Variants in DPYS observed in about 807,000 individuals in gnomAD.
The protein encoded by DPYS is dihydropyrimidine amidohydrolase.
A neutral mutation model predicts 50.3 loss-of-function variants in DPYS; 39 were observed. That is an observed-to-expected ratio of 0.78 (90% CI 0.60 to 1.01). The LOEUF (loss-of-function observed/expected upper bound fraction) is 1.01. Ranked by LOEUF, DPYS falls within the 50% of genes least tolerant of loss-of-function variation. The pLI is 0.00. For synonymous variants in DPYS, 245 were observed against 250.7 expected, an observed-to-expected ratio of 0.98 and a Z score of 0.22; for missense variants, 659 against 680.9, an observed-to-expected ratio of 0.97 and a Z score of 0.36.
chr8:104,412,618 G>A (rs2140577415), intron 7 of DPYS, among the ~76,000 whole-genome samples: 1 of 152,238 alleles, frequency 6.6e-6, no homozygotes, highest in South Asian at 2.1e-4. Flanking sequence ...CCAGCTCCAG[G>A]CCCACCCCTG....
At chr8:104,417,855 C>A (rs1244165518) in intron 7 of DPYS, among the ~76,000 whole-genome samples, 2 of 152,192 alleles carry the variant, frequency 1.3e-5, no homozygotes, top group Non-Finnish European at 2.9e-5. Flanking sequence ...CGCCCACTCC[C>A]AATTCTCTCT....
chr8:104,426,611 T>C (rs551540146), intron 6 of DPYS, among the ~76,000 whole-genome samples: 89 of 152,222 alleles, frequency 5.8e-4, no homozygotes, highest in African/African-American at 2.1e-3. Context: ...GATTCTGAAG[T>C]GTGAGATATA....
chr8:104,429,638 T>C lies in DPYS; in HGVS notation c.857A>G (p.Asn286Ser), dbSNP rs1588437757. 6.2e-7 allele frequency: 1 copy of C among 1,614,186 alleles called. No homozygotes were observed. Residue 286 changes from asparagine to serine, a missense_variant, in exon 5 of 10, where the codon AAT becomes AGT. Transcript: ENST00000351513. ...SLGTDGTHYW[N>S]KEWHHAAHHV... ...GTGGGCTGCATGGTGCCATTCTTTATTCCAGTAGTGAGTGCCATCTGTGCC... is the reference window on the plus strand; with the variant it reads ...GTGGGCTGCATGGTGCCATTCTTTACTCCAGTAGTGAGTGCCATCTGTGCC...
At chr8:104,466,091 G>A (rs1386226088) in intron 1 of DPYS, among the ~76,000 whole-genome samples, 1 of 152,048 alleles carries the variant, frequency 6.6e-6, no homozygotes, top group Admixed American at 6.5e-5. Flanking sequence ...GGTAGGGGAC[G>A]GGAACGTGAA....
intron 4 of DPYS, among the ~76,000 whole-genome samples, chr8:104,441,987 G>A (rs1454329171): frequency 6.6e-6 from 1 of 151,672 alleles, no homozygotes; most frequent in Non-Finnish European, 1.5e-5. Flanking sequence ...TACCTTTTAT[G>A]TAGGAAAGAA....
intron 9 of DPYS, chr8:104,380,859 A>G (rs1394217884): frequency 1.8e-5 from 4 of 228,470 alleles, no homozygotes; most frequent in East Asian, 1.8e-4. Flanking sequence ...AATTTTGACC[A>G]TGAAATTATA....
At chr8:104,387,616 T>A (rs532702112) in intron 8 of DPYS, among the ~76,000 whole-genome samples, 397 of 152,322 alleles carry the variant, frequency 2.6e-3, no homozygotes, top group African/African-American at 8.9e-3. Context: ...GTCCCAACAC[T>A]GCCACTTGGT....
intron 1 of DPYS, among the ~76,000 whole-genome samples, chr8:104,456,896 G>C (rs766396900): frequency 3.9e-5 from 6 of 152,144 alleles, no homozygotes; most frequent in Non-Finnish European, 7.4e-5. Flanking sequence ...CTAACAGTGG[G>C]TCATAATATT....
At chr8:104,453,223 T>C (rs1333338333) in intron 1 of DPYS, among the ~76,000 whole-genome samples, 1 of 152,254 alleles carries the variant, frequency 6.6e-6, no homozygotes, top group East Asian at 1.9e-4. Context: ...ATCCTGTATG[T>C]TGTCTCCACC....
At chr8:104,444,496 A>C in intron 3 of DPYS, 59 bp from the exon 4 acceptor site, 26 of 1,584,260 alleles carry the variant, frequency 1.6e-5, no homozygotes, top group Non-Finnish European at 2.2e-5. Flanking sequence ...GACAGATATC[A>C]TTATTTTATC....
intron 4 of DPYS, among the ~76,000 whole-genome samples, chr8:104,435,393 C>T (rs1564102850): frequency 6.6e-6 from 1 of 151,988 alleles, no homozygotes; most frequent in Non-Finnish European, 1.5e-5. Context: ...GGAGAAATGC[C>T]GGATTCCCTT....
intron 5 of DPYS, among the ~76,000 whole-genome samples, chr8:104,428,832 C>CT (rs1189591941): frequency 0.013 from 395 of 29,506 alleles, 4 homozygotes; most frequent in African/African-American, 0.039. Flanking sequence ...TTTCTTTTCT[C>CT]TTTTCTTTTT....
At chr8:104,405,735 G>C (rs1213272797) in intron 7 of DPYS, among the ~76,000 whole-genome samples, 5 of 152,244 alleles carry the variant, frequency 3.3e-5, no homozygotes, top group African/African-American at 9.6e-5. Context: ...ACAAGGCTGA[G>C]TCCAAGGCGG....
At chr8:104,427,057 C>T (rs1348565695) in intron 6 of DPYS, among the ~76,000 whole-genome samples, 1 of 151,520 alleles carries the variant, frequency 6.6e-6, no homozygotes, top group Non-Finnish European at 1.5e-5. Context: ...AAAAATTTGC[C>T]AGTCATGGTG....
intron 8 of DPYS, among the ~76,000 whole-genome samples, chr8:104,382,453 C>A (rs1811084906): frequency 6.6e-6 from 1 of 152,096 alleles, no homozygotes; most frequent in Admixed American, 6.5e-5. Context: ...CCATTTCTAC[C>A]ACCTTGGACC....
At chr8:104,408,599 C>T (rs192500669) in intron 7 of DPYS, among the ~76,000 whole-genome samples, 56 of 151,890 alleles carry the variant, frequency 3.7e-4, no homozygotes, top group Non-Finnish European at 6.8e-4. Flanking sequence ...ATCCATTCAA[C>T]GGAAAAACAA....
chr8:104,412,895 C>T (rs576902317), intron 7 of DPYS, among the ~76,000 whole-genome samples: 38 of 152,236 alleles, frequency 2.5e-4, no homozygotes, highest in Middle Eastern at 3.4e-3. Flanking sequence ...CATGGTAGGG[C>T]CCAAGATATG....
intron 4 of DPYS, among the ~76,000 whole-genome samples, chr8:104,441,798 C>T (rs1813365885): frequency 6.6e-6 from 1 of 152,170 alleles, no homozygotes; most frequent in Admixed American, 6.5e-5. Flanking sequence ...CTTGAAACAG[C>T]TAAAGATTGG....
At chr8:104,424,413 T>G (rs768357180) in intron 6 of DPYS, 24 bp from the exon 7 acceptor site, 4 of 1,611,822 alleles carry the variant, frequency 2.5e-6, no homozygotes, top group Non-Finnish European at 3.4e-6. Flanking sequence ...CAAAGAATCA[T>G]TCTAATGATC....
Sources: allele counts gnomAD v4.1 joint callset (sites outside exome capture counted in the v4.1 genomes callset), GRCh38; gene constraint gnomAD v4.1.1; transcripts MANE v1.5; gene names NCBI Gene and HGNC (gene_info 2026-07-23, HGNC 2026-07-21).